MTSS1: variants seen among roughly 807,000 people sequenced by gnomAD.
MTSS1 encodes the protein protein MTSS 1.
In MTSS1, 18 loss-of-function variants were observed where a neutral mutation model predicts 79.0. The observed-to-expected ratio is 0.23, with a 90% CI of 0.16 to 0.34. The LOEUF is 0.34. Among genes scored for constraint, MTSS1 ranks in the 10% least tolerant of loss-of-function variants. The pLI is 1.00. For synonymous variants in MTSS1, 341 were observed against 368.6 expected, an observed-to-expected ratio of 0.93 and a Z score of 0.86; for missense variants, 815 against 986.2, an observed-to-expected ratio of 0.83 and a Z score of 2.33.
intron 2 of MTSS1, among the ~76,000 whole-genome samples, chr8:124,703,907 G>A (rs1221777804): frequency 3.9e-5 from 6 of 152,154 alleles, no homozygotes; most frequent in Admixed American, 3.9e-4. Flanking sequence ...AAATTCCTAT[G>A]GAAGGAGGAA....
At chr8:124,712,261 G>C (rs1831280574) in intron 1 of MTSS1, among the ~76,000 whole-genome samples, 1 of 152,122 alleles carries the variant, frequency 6.6e-6, no homozygotes. Flanking sequence ...CCCCTTCCCA[G>C]GTCTGCGGAG....
At chr8:124,630,889 T>C (rs972941942) in intron 3 of MTSS1, among the ~76,000 whole-genome samples, 2 of 152,208 alleles carry the variant, frequency 1.3e-5, no homozygotes, top group Admixed American at 6.5e-5. Context: ...ATGGAAACCT[T>C]TGGAGGCCTT....
intron 7 of MTSS1, 70 bp downstream of exon 7, chr8:124,568,309 T>C: frequency 2.0e-6 from 3 of 1,525,108 alleles, no homozygotes; most frequent in East Asian, 4.5e-5. Context: ...CAACAGTGGA[T>C]GGATAAAATT....
intron 10 of MTSS1, 71 bp downstream of exon 10, chr8:124,562,711 T>G: frequency 6.9e-7 from 1 of 1,459,292 alleles, no homozygotes; most frequent in Admixed American, 1.7e-5. Context: ...GGTGCTTCTT[T>G]GGTTCTGGCC....
chr8:124,702,467 G>GTAT (rs1023576924), intron 2 of MTSS1, among the ~76,000 whole-genome samples: 7 of 152,328 alleles, frequency 4.6e-5, no homozygotes, highest in African/African-American at 1.7e-4. Context: ...GGAAGGTGCA[G>GTAT]TATTCCAAGT....
At chr8:124,657,410 C>T (rs570664741) in intron 3 of MTSS1, among the ~76,000 whole-genome samples, 15 of 135,190 alleles carry the variant, frequency 1.1e-4, no homozygotes, top group Admixed American at 7.0e-4. Context: ...AATGAAGCCA[C>T]AAAACATGGA....
chr8:124,602,188 C>CATATATAT, intron 3 of MTSS1, among the ~76,000 whole-genome samples: 10 of 116,792 alleles, frequency 8.6e-5, no homozygotes, highest in African/African-American at 3.4e-4. Context: ...CATATATATA[C>CATATATAT]ATATATATAT....
At chr8:124,572,203 ATG>A in intron 6 of MTSS1, among the ~76,000 whole-genome samples, 1 of 152,200 alleles carries the variant, frequency 6.6e-6, no homozygotes, top group Admixed American at 6.5e-5. Flanking sequence ...GTTATTTTAA[ATG>A]TGTATTATAA....
intron 3 of MTSS1, among the ~76,000 whole-genome samples, chr8:124,654,428 T>C (rs949619713): frequency 5.3e-5 from 8 of 152,248 alleles, no homozygotes; most frequent in African/African-American, 1.7e-4. Flanking sequence ...TTTCTGAAAA[T>C]GTGAGGCATA....
intron 8 of MTSS1, 127 bp from the exon 9 acceptor site, chr8:124,565,886 TAA>T (rs569207234): frequency 9.3e-5 from 57 of 611,528 alleles, no homozygotes; most frequent in Middle Eastern, 9.2e-4. Context: ...CAAAACATGT[TAA>T]AAAAATTTTT....
intron 6 of MTSS1, among the ~76,000 whole-genome samples, chr8:124,570,200 T>C (rs1051247416): frequency 6.6e-6 from 1 of 152,218 alleles, no homozygotes; most frequent in East Asian, 1.9e-4. Context: ...TAGCACATTA[T>C]GAGAAAATTA....
At chr8:124,600,240 AT>A (rs143965103) in intron 3 of MTSS1, among the ~76,000 whole-genome samples, 8,500 of 148,356 alleles carry the variant, frequency 0.057, 486 homozygotes, top group East Asian at 0.2. Flanking sequence ...ATTCGATGGC[AT>A]TTTTTTTTTG....
At chr8:124,588,512 G>A (rs1831266228) in intron 5 of MTSS1, among the ~76,000 whole-genome samples, 1 of 152,272 alleles carries the variant, frequency 6.6e-6, no homozygotes, top group South Asian at 2.1e-4. Context: ...ATTACACTTA[G>A]TTCCTCTCAT....
intron 1 of MTSS1, among the ~76,000 whole-genome samples, chr8:124,718,208 C>T (rs116425015): frequency 0.017 from 2,584 of 151,830 alleles, 71 homozygotes; most frequent in African/African-American, 0.053. Flanking sequence ...ACGTTACTTA[C>T]ATAATCTTTG....
At chr8:124,644,238 A>G (rs1293759090) in intron 3 of MTSS1, among the ~76,000 whole-genome samples, 1 of 152,210 alleles carries the variant, frequency 6.6e-6, no homozygotes, top group African/African-American at 2.4e-5. Context: ...GCAGCACATA[A>G]TTCTGTAGCA....
At chr8:124,656,457 G>A (rs1053514171) in intron 3 of MTSS1, among the ~76,000 whole-genome samples, 1 of 149,868 alleles carries the variant, frequency 6.7e-6, no homozygotes, top group South Asian at 2.1e-4. Context: ...CAATGAGCCA[G>A]GACCTTTTTT....
intron 3 of MTSS1, among the ~76,000 whole-genome samples, chr8:124,666,452 C>A (rs574167145): frequency 8.8e-4 from 134 of 152,246 alleles, no homozygotes; most frequent in African/African-American, 3.2e-3. Context: ...GATGGAAACA[C>A]AGGAACAAAG....
intron 3 of MTSS1, among the ~76,000 whole-genome samples, chr8:124,602,207 A>ATATATATACATATATATAT: frequency 1.4e-5 from 2 of 142,218 alleles, no homozygotes; most frequent in African/African-American, 5.5e-5. Flanking sequence ...ATATATATAT[A>ATATATATACATATATATAT]ATTTTTTTTT....
rs1260268022 is a variant in MTSS1, at chr8:124,582,349, T to C, written c.460+2738A>G. Among the ~76,000 whole-genome samples, 1 of 152,130 alleles carries C rather than the reference T, an allele frequency of 6.6e-6. No homozygotes were observed. Among genetic ancestry groups the C allele is most frequent in the South Asian group, 2.1e-4 (1 of 4,820 alleles). On this transcript the variant is annotated intron_variant, in intron 6 of 13. Transcript: ENST00000518547. This position sits in a 1 kb window ranked among gnomAD's most constrained non-coding sequence, Gnocchi z 4.8. ...TATAGTAAGAAAGAGTCGAAGAATG[T>C]GATAAAAGGTGGTATCTGCAGAGTA...
Sources: allele counts gnomAD v4.1 joint callset (sites outside exome capture counted in the v4.1 genomes callset), GRCh38; gene constraint gnomAD v4.1.1; non-coding constraint Gnocchi (gnomAD v3.1); transcripts MANE v1.5; gene names NCBI Gene and HGNC (gene_info 2026-07-23, HGNC 2026-07-21).